Variants in ROBO2 observed in about 807,000 individuals in gnomAD.
ROBO2 encodes roundabout homolog 2.
In ROBO2, 53 loss-of-function variants were observed where a neutral mutation model predicts 160.8. The ratio of observed to expected loss-of-function variants is 0.33; its 90% CI spans 0.26 to 0.41. The LOEUF is 0.41. Among genes scored for constraint, ROBO2 ranks in the 10% least tolerant of loss-of-function variants. The pLI is 1.00. For synonymous variants in ROBO2, 664 were observed against 611.7 expected (o/e 1.09, Z -1.26); for missense variants, 1,577 against 1,722.4 (o/e 0.92, Z 1.49).
chr3:76,109,513 C>G (rs2070120107), intron 2 of ROBO2, among the ~76,000 whole-genome samples: 1 of 152,038 alleles, frequency 6.6e-6, no homozygotes, highest in African/African-American at 2.4e-5. Flanking sequence ...GGAGTCACCA[C>G]TTTTTCCTCC....
At chr3:75,960,200 T>A (rs1296848436) in intron 2 of ROBO2, among the ~76,000 whole-genome samples, 3 of 151,812 alleles carry the variant, frequency 2.0e-5, no homozygotes, top group Admixed American at 6.6e-5. Context: ...GTGAGTCAGC[T>A]TCTCCTGGAG....
At chr3:75,985,379 CAAACCTGTAAAG>C (rs2065387663) in intron 2 of ROBO2, among the ~76,000 whole-genome samples, 1 of 151,528 alleles carries the variant, frequency 6.6e-6, no homozygotes, top group Admixed American at 6.6e-5. Context: ...CCATAGGTTA[CAAACCTGTAAAG>C]CATGTTACTG....
At chr3:77,245,059 A>G (rs772470870) in intron 2 of ROBO2, among the ~76,000 whole-genome samples, 1 of 152,126 alleles carries the variant, frequency 6.6e-6, no homozygotes, top group East Asian at 1.9e-4. Context: ...GATGATGGCT[A>G]AAAGTAAAAT....
intron 2 of ROBO2, chr3:77,316,926 C>T: frequency 8.1e-7 from 1 of 1,239,876 alleles, no homozygotes; most frequent in South Asian, 1.2e-5. Flanking sequence ...GAGGGTCAGT[C>T]TGATACTTGG....
intron 2 of ROBO2, among the ~76,000 whole-genome samples, chr3:76,199,826 A>G (rs899337492): frequency 6.6e-6 from 1 of 152,164 alleles, no homozygotes; most frequent in African/African-American, 2.4e-5. Flanking sequence ...CAGCTTCTCT[A>G]TGCCAATAAT....
chr3:76,465,951 G>T (rs1259763670), intron 2 of ROBO2, among the ~76,000 whole-genome samples: 1 of 150,474 alleles, frequency 6.6e-6, no homozygotes, highest in Non-Finnish European at 1.5e-5. Context: ...TTCTCCTTTT[G>T]ATCTCTGTGC....
At chr3:76,092,899 A>C (rs1332798299) in intron 2 of ROBO2, among the ~76,000 whole-genome samples, 1 of 152,222 alleles carries the variant, frequency 6.6e-6, no homozygotes, top group Non-Finnish European at 1.5e-5. Context: ...GATAGAAATC[A>C]CGGAAGACAT....
chr3:77,355,133 C>A (rs1336713461), intron 2 of ROBO2, among the ~76,000 whole-genome samples: 1,028 of 150,462 alleles, frequency 6.8e-3, no homozygotes, highest in African/African-American at 0.024. Context: ...ATCCCCATAC[C>A]CTAGGAGCTC....
intron 13 of ROBO2, among the ~76,000 whole-genome samples, chr3:77,571,659 T>A (rs1022811682): frequency 6.6e-5 from 10 of 152,014 alleles, no homozygotes; most frequent in African/African-American, 2.2e-4. Context: ...AAAAAATATA[T>A]AAACCCATGA....
At chr3:75,988,116 T>C (rs1025246975) in intron 2 of ROBO2, among the ~76,000 whole-genome samples, 8 of 152,206 alleles carry the variant, frequency 5.3e-5, no homozygotes, top group Admixed American at 3.3e-4. Flanking sequence ...TTATAGTTCT[T>C]CTTTAAATGT....
At chr3:77,402,274 C>G (rs12635599) in intron 2 of ROBO2, among the ~76,000 whole-genome samples, 1 of 151,666 alleles carries the variant, frequency 6.6e-6, no homozygotes, top group South Asian at 2.1e-4. Context: ...CATCACACAC[C>G]GGGGCCTGTC....
chr3:76,644,544 A>G (rs1248300063), intron 2 of ROBO2, among the ~76,000 whole-genome samples: 1 of 152,084 alleles, frequency 6.6e-6, no homozygotes, highest in Non-Finnish European at 1.5e-5. Context: ...ACATAAATGT[A>G]TTTCTGCCTT....
At chr3:77,273,505 G>C (rs955661755) in intron 2 of ROBO2, among the ~76,000 whole-genome samples, 2 of 152,132 alleles carry the variant, frequency 1.3e-5, no homozygotes, top group African/African-American at 4.8e-5. Context: ...TTATTTAGCT[G>C]GTACTGAAGT....
At chr3:76,470,171 GTCTT>G (rs2078581801) in intron 2 of ROBO2, among the ~76,000 whole-genome samples, 1 of 152,092 alleles carries the variant, frequency 6.6e-6, no homozygotes, top group South Asian at 2.1e-4. Context: ...TGCCTTGGAG[GTCTT>G]TCTTTGTTTT....
At chr3:76,052,473 T>C (rs1033321431) in intron 2 of ROBO2, among the ~76,000 whole-genome samples, 1 of 151,436 alleles carries the variant, frequency 6.6e-6, no homozygotes, top group Non-Finnish European at 1.5e-5. Flanking sequence ...AATTATTTCA[T>C]GATGCTGTCC....
intron 2 of ROBO2, among the ~76,000 whole-genome samples, chr3:76,968,831 T>C (rs949890977): frequency 6.6e-6 from 1 of 152,238 alleles, no homozygotes; most frequent in Non-Finnish European, 1.5e-5. Context: ...TTATACTTTT[T>C]TCAACAGAGT....
intron 2 of ROBO2, among the ~76,000 whole-genome samples, chr3:76,940,293 T>A (rs1446369084): frequency 1.3e-5 from 2 of 152,164 alleles, no homozygotes. Flanking sequence ...CAACAGGATA[T>A]TTTTAAGCTG....
chr3:77,546,366 A>G (rs2092699176), exon 7 of ROBO2: 1 of 1,613,264 alleles, frequency 6.2e-7, no homozygotes, highest in Admixed American at 1.7e-5. Flanking sequence ...TTCGGCCAAG[A>G]GATCAGATTG....
At chr3:77,086,236 T>C (rs761884422) in intron 1 of ROBO2, among the ~76,000 whole-genome samples, 5 of 152,068 alleles carry the variant, frequency 3.3e-5, no homozygotes, top group Non-Finnish European at 4.4e-5. Flanking sequence ...AAAAGAGTTA[T>C]ACATTATAAT....
Sources: gnomAD v4.1 joint callset for allele counts (sites outside exome capture counted in the v4.1 genomes callset) on GRCh38, gnomAD v4.1.1 for gene constraint, MANE v1.5 for transcripts, NCBI Gene and HGNC (gene_info 2026-07-23, HGNC 2026-07-21) for gene names.